Variants in ZMAT4 observed in about 807,000 individuals in gnomAD.
ZMAT4 encodes zinc finger matrin-type 4, also known as zinc finger matrin-type protein 4.
A neutral mutation model predicts 28.7 loss-of-function variants in ZMAT4; 17 were observed. The ratio of observed to expected loss-of-function variants is 0.59; its 90% CI spans 0.41 to 0.89. The LOEUF (loss-of-function observed/expected upper bound fraction) is 0.89. ZMAT4 is among the 40% of genes least tolerant of loss of function. ZMAT4 has a pLI of 0.00. For synonymous variants in ZMAT4, 117 were observed against 109.2 expected, an observed-to-expected ratio of 1.07 and a Z score of -0.44; for missense variants, 240 against 283.8, an observed-to-expected ratio of 0.85 and a Z score of 1.11.
chr8:40,808,847 A>AT, intron 2 of ZMAT4, among the ~76,000 whole-genome samples: 1 of 118,794 alleles, frequency 8.4e-6, no homozygotes, highest in Non-Finnish European at 2.0e-5. Context: ...GATGCCAACT[A>AT]TTTAAAAAAA....
At chr8:40,700,128 C>T (rs1244987793) in intron 3 of ZMAT4, among the ~76,000 whole-genome samples, 2 of 152,066 alleles carry the variant, frequency 1.3e-5, no homozygotes, top group African/African-American at 2.4e-5. Context: ...ACTCCATGCC[C>T]TGTTATCAAG....
chr8:40,667,727 T>G lies in ZMAT4; in HGVS notation c.577+6977A>C, dbSNP rs575386043. Among the ~76,000 whole-genome samples the G allele has an allele frequency of 1.2e-3, 186 of 151,966 alleles. 1 individual carries two copies. The highest frequency in any genetic ancestry group is 4.2e-3 in the African/African-American group (174 of 41,456). Reference sequence around the variant, plus strand: ...GCTCTTAAGAAGCACAGGAAACTCATGGCTACAAGAACAAGTTGAATGATT... The same window carrying G: ...GCTCTTAAGAAGCACAGGAAACTCAGGGCTACAAGAACAAGTTGAATGATT... On this transcript the variant is annotated intron_variant, in intron 5 of 6. Coordinates refer to ENST00000297737, the MANE Select transcript of ZMAT4 (RefSeq NM_024645.3).
intron 2 of ZMAT4, among the ~76,000 whole-genome samples, chr8:40,798,384 T>G (rs1467789958): frequency 6.6e-6 from 1 of 152,234 alleles, no homozygotes; most frequent in East Asian, 1.9e-4. Context: ...CCAGGCTCTT[T>G]AATGTATGAC....
At chr8:40,657,145 C>T (rs1323142157) in intron 5 of ZMAT4, among the ~76,000 whole-genome samples, 1 of 152,176 alleles carries the variant, frequency 6.6e-6, no homozygotes, top group Non-Finnish European at 1.5e-5. Flanking sequence ...ATCCTCCCAC[C>T]TCAGTTTCCC....
chr8:40,807,218 G>A (rs1381608936), intron 2 of ZMAT4, among the ~76,000 whole-genome samples: 2 of 151,552 alleles, frequency 1.3e-5, no homozygotes, highest in Non-Finnish European at 2.9e-5. Context: ...AAGGCAGGTG[G>A]ATCACCTGAG....
chr8:40,546,691 A>G (rs1803212832), intron 6 of ZMAT4, among the ~76,000 whole-genome samples: 1 of 152,146 alleles, frequency 6.6e-6, no homozygotes, highest in African/African-American at 2.4e-5. Flanking sequence ...CCAGCTGATG[A>G]CCTTTCCTCC....
chr8:40,547,443 G>A (rs1803239410), intron 6 of ZMAT4, among the ~76,000 whole-genome samples: 1 of 152,214 alleles, frequency 6.6e-6, no homozygotes, highest in African/African-American at 2.4e-5. Context: ...GCCACAGCAT[G>A]AAGGATAGGG....
At chr8:40,849,424 G>A (rs1465772427) in intron 1 of ZMAT4, among the ~76,000 whole-genome samples, 1 of 152,186 alleles carries the variant, frequency 6.6e-6, no homozygotes. Flanking sequence ...GGAAGAAAGA[G>A]TAACTTAAAA....
intron 1 of ZMAT4, among the ~76,000 whole-genome samples, chr8:40,875,779 A>T (rs1818022408): frequency 6.6e-6 from 1 of 152,120 alleles, no homozygotes; most frequent in Non-Finnish European, 1.5e-5. Flanking sequence ...ACGATGGAGG[A>T]GGTCATTGGT....
intron 2 of ZMAT4, among the ~76,000 whole-genome samples, chr8:40,797,974 G>A (rs1814667240): frequency 6.6e-6 from 1 of 152,184 alleles, no homozygotes. Flanking sequence ...CAAGGTCCTA[G>A]GGAGGCAGTA....
intron 5 of ZMAT4, among the ~76,000 whole-genome samples, chr8:40,643,256 G>A (rs749910792): frequency 2.0e-5 from 3 of 152,022 alleles, no homozygotes; most frequent in African/African-American, 4.8e-5. Flanking sequence ...AAAGAAAGCC[G>A]GGAACTATGC....
intron 5 of ZMAT4, among the ~76,000 whole-genome samples, chr8:40,633,882 C>T (rs923544881): frequency 1.3e-5 from 2 of 152,150 alleles, no homozygotes; most frequent in Non-Finnish European, 2.9e-5. Flanking sequence ...AAGCTCTGCC[C>T]GTTTTCGGAA....
At chr8:40,735,776 A>G (rs928068291) in intron 3 of ZMAT4, among the ~76,000 whole-genome samples, 1 of 152,180 alleles carries the variant, frequency 6.6e-6, no homozygotes, top group African/African-American at 2.4e-5. Flanking sequence ...AAACAAAGAC[A>G]TATGGACGTT....
At chr8:40,696,388 T>C (rs1809885005) in intron 4 of ZMAT4, among the ~76,000 whole-genome samples, 1 of 152,198 alleles carries the variant, frequency 6.6e-6, no homozygotes, top group Non-Finnish European at 1.5e-5. Flanking sequence ...CATGATTCAT[T>C]AGACAGCAGA....
chr8:40,552,685 T>G (rs1267026950), intron 6 of ZMAT4, among the ~76,000 whole-genome samples: 1 of 151,946 alleles, frequency 6.6e-6, no homozygotes, highest in East Asian at 1.9e-4. Flanking sequence ...GAAGGATGAG[T>G]CTCCTATATT....
intron 3 of ZMAT4, among the ~76,000 whole-genome samples, chr8:40,762,572 C>G (rs62642745): frequency 1.3e-5 from 2 of 152,042 alleles, no homozygotes; most frequent in Non-Finnish European, 2.9e-5. Flanking sequence ...TGGAGGATCC[C>G]TTGAGCCTGG....
At chr8:40,776,235 G>A (rs1410259506) in intron 2 of ZMAT4, among the ~76,000 whole-genome samples, 1 of 152,140 alleles carries the variant, frequency 6.6e-6, no homozygotes, top group Non-Finnish European at 1.5e-5. Context: ...CTAGAATTAG[G>A]TCACTTCGTT....
chr8:40,593,481 T>C (rs955149459), intron 5 of ZMAT4, among the ~76,000 whole-genome samples: 20 of 152,200 alleles, frequency 1.3e-4, no homozygotes, highest in African/African-American at 4.6e-4. Flanking sequence ...TGTTGGGGAT[T>C]GTTGGCCTCT....
At chr8:40,607,545 A>AT (rs1245399342) in intron 5 of ZMAT4, among the ~76,000 whole-genome samples, 3 of 150,626 alleles carry the variant, frequency 2.0e-5, no homozygotes, top group Admixed American at 6.6e-5. Flanking sequence ...CAATTTGGAG[A>AT]TTTTTTTCTT....
Sources: allele counts gnomAD v4.1 joint callset (sites outside exome capture counted in the v4.1 genomes callset), GRCh38; gene constraint gnomAD v4.1.1; transcripts MANE v1.5; gene names NCBI Gene and HGNC (gene_info 2026-07-23, HGNC 2026-07-21).